Variants in DYNC2I1 observed in about 807,000 individuals in gnomAD.
The protein encoded by DYNC2I1 is dynein 2 intermediate chain 1.
Under a neutral mutation model 133.4 loss-of-function variants are expected in DYNC2I1, and 89 were observed. The observed-to-expected ratio is 0.67, with a 90% CI of 0.56 to 0.80. The LOEUF (loss-of-function observed/expected upper bound fraction) is 0.80, where lower values mean the gene tolerates loss of function less well. Among genes scored for constraint, DYNC2I1 ranks in the 30% least tolerant of loss-of-function variants. The pLI is 0.00. For synonymous variants in DYNC2I1, 504 were observed against 484.3 expected (o/e 1.04, Z -0.54); for missense variants, 1,291 against 1,314.5 (o/e 0.98, Z 0.28).
chr7:158,878,075 G>GGT (rs1843540598), intron 4 of DYNC2I1, among the ~76,000 whole-genome samples: 1 of 148,346 alleles, frequency 6.7e-6, no homozygotes, highest in Non-Finnish European at 1.5e-5. Flanking sequence ...CATGTGGAGA[G>GGT]GCCAGGAGGG....
chr7:158,856,821 G>A, intron 1 of DYNC2I1, 71 bp downstream of exon 1: 1 of 1,220,252 alleles, frequency 8.2e-7, no homozygotes, highest in Non-Finnish European at 1.0e-6. Context: ...CGCTAGCAGC[G>A]CCGCCGCCGC....
intron 11 of DYNC2I1, 41 bp from the exon 12 acceptor site, chr7:158,911,509 A>T (rs376898661): frequency 3.7e-6 from 6 of 1,602,660 alleles, no homozygotes; most frequent in Non-Finnish European, 5.1e-6. Context: ...CACGTATATT[A>T]TTCGAGTTAA....
intron 1 of DYNC2I1, among the ~76,000 whole-genome samples, chr7:158,863,015 C>T (rs1051114251): frequency 6.0e-5 from 9 of 150,568 alleles, no homozygotes; most frequent in African/African-American, 9.8e-5. Context: ...ATAAAGGTAG[C>T]GTGGACCCAA....
chr7:158,941,902 G>GTGT, intron 23 of DYNC2I1, 23 bp from the exon 24 acceptor site: 1 of 1,574,592 alleles, frequency 6.4e-7, no homozygotes, highest in African/African-American at 1.4e-5. Context: ...ATGCTCAGCA[G>GTGT]TGTTCTTTCT....
intron 4 of DYNC2I1, among the ~76,000 whole-genome samples, chr7:158,951,879 G>C (rs776876616): frequency 6.6e-6 from 1 of 152,176 alleles, no homozygotes; most frequent in Non-Finnish European, 1.5e-5. Flanking sequence ...GGGACGTGAG[G>C]GCTTCCAGGG....
rs966523869 is a variant in DYNC2I1 at position 158,945,531 on chromosome 7, A to G, written c.3003-50A>G. On this transcript the variant is annotated intron_variant, in intron 24 of 24. Transcript: ENST00000407559. This position sits in a 1 kb window ranked among gnomAD's most constrained non-coding sequence, Gnocchi z 4.1. Reference sequence around the variant, plus strand: ...CATTTTGAAGACTCAGACAGAACCGAATGTCCCTTTGTGTGCACTGACCCT... The same window carrying G: ...CATTTTGAAGACTCAGACAGAACCGGATGTCCCTTTGTGTGCACTGACCCT... The G allele has an allele frequency of 1.9e-6, 3 of 1,538,984 alleles. No individual in the cohort carries two copies. The African/African-American group carries it at 4.1e-5, about 21-fold the overall frequency.
intron 21 of DYNC2I1, among the ~76,000 whole-genome samples, chr7:158,931,013 A>C (rs1430792302): frequency 6.6e-6 from 1 of 152,222 alleles, no homozygotes; most frequent in African/African-American, 2.4e-5. Context: ...TGCAGCTTCC[A>C]GGTGTAGAGC....
chr7:158,867,255 G>A (rs978317254), intron 1 of DYNC2I1, among the ~76,000 whole-genome samples: 9 of 152,148 alleles, frequency 5.9e-5, no homozygotes, highest in Admixed American at 3.3e-4. Context: ...TTACTATGGC[G>A]TGGTGATACG....
chr7:158,879,589 G>A (rs1843789009), intron 4 of DYNC2I1, 95 bp from the exon 5 acceptor site: 13 of 1,347,828 alleles, frequency 9.6e-6, no homozygotes, highest in Non-Finnish European at 1.1e-5. Context: ...TCCGTGGTTG[G>A]TTGGATCCGT....
At chr7:158,883,941 A>G (rs1051730032) in intron 5 of DYNC2I1, among the ~76,000 whole-genome samples, 78 of 149,438 alleles carry the variant, frequency 5.2e-4, no homozygotes, top group African/African-American at 1.8e-3. Flanking sequence ...TGGGATTACA[A>G]GCGTGAGCCA....
Position 158,952,885 on chromosome 7 carries a change from G to A in DYNC2I1, c.*57-3698G>A, listed in dbSNP as rs887443388. Among the ~76,000 whole-genome samples, 80 of 152,162 alleles carry A rather than the reference G, an allele frequency of 5.3e-4. 1 individual carries two copies. Among genetic ancestry groups the A allele is most frequent in the Non-Finnish European group, 1.9e-4 (13 of 68,018 alleles). ...CCCACCGCACCTTCCACCTCCCAGG[G>A]TGCGCCCCCTTGAAACTCCGTGAGC... is the stretch of plus-strand genomic sequence containing the variant. On this transcript the variant is annotated intron_variant and NMD_transcript_variant, in intron 4 of 4. Coordinates refer to the DYNC2I1 transcript ENST00000454771.
chr7:158,851,177 T>C, the DYNC2I1 span, among the ~76,000 whole-genome samples: 7,185 of 152,124 alleles, frequency 0.047, 200 homozygotes, highest in Admixed American at 0.065. Context: ...TTAGTAAGAG[T>C]CTTTTCTTTT....
intron 1 of DYNC2I1, among the ~76,000 whole-genome samples, chr7:158,867,705 A>AGG (rs1842530930): frequency 6.6e-6 from 1 of 152,048 alleles, no homozygotes; most frequent in Non-Finnish European, 1.5e-5. Flanking sequence ...CGTTGGGCTG[A>AGG]GGGGCCCTTC....
At chr7:158,942,261 T>G in intron 24 of DYNC2I1, 113 bp downstream of exon 24, 1 of 736,026 alleles carries the variant, frequency 1.4e-6, no homozygotes, top group Non-Finnish European at 2.1e-6. Flanking sequence ...TTTTAAGATG[T>G]GGCCATATGT....
intron 8 of DYNC2I1, among the ~76,000 whole-genome samples, chr7:158,901,282 C>T (rs56284189): frequency 0.022 from 3,399 of 152,126 alleles, 132 homozygotes; most frequent in African/African-American, 0.079. Flanking sequence ...ATGTTGCCCA[C>T]GCTGGTCTTC....
chr7:158,894,951 G>A (rs1189172945), intron 8 of DYNC2I1, among the ~76,000 whole-genome samples: 1 of 152,094 alleles, frequency 6.6e-6, no homozygotes, highest in Non-Finnish European at 1.5e-5. Context: ...ATGTTTGTTT[G>A]CCATCTGTAT....
At chr7:158,857,104 A>G (rs1011001208) in intron 1 of DYNC2I1, among the ~76,000 whole-genome samples, 7 of 152,206 alleles carry the variant, frequency 4.6e-5, no homozygotes, top group Non-Finnish European at 7.4e-5. Context: ...AGTTTATTAA[A>G]TTTTAGCTGA....
chr7:158,856,529 T>G (rs1841237453), upstream of DYNC2I1: 4 of 445,116 alleles, frequency 9.0e-6, no homozygotes, highest in Non-Finnish European at 1.5e-5. Flanking sequence ...TGCCAGGTGC[T>G]AAAAATGCCG....
chr7:158,863,414 G>A (rs956578485), intron 1 of DYNC2I1, among the ~76,000 whole-genome samples: 24 of 152,032 alleles, frequency 1.6e-4, no homozygotes, highest in Non-Finnish European at 3.5e-4. Context: ...AGCCCAGGAG[G>A]CTTCACCTCT....
Sources: gnomAD v4.1 joint callset for allele counts (sites outside exome capture counted in the v4.1 genomes callset) on GRCh38, gnomAD v4.1.1 for gene constraint, Gnocchi (gnomAD v3.1) non-coding constraint, MANE v1.5 for transcripts, NCBI Gene and HGNC (gene_info 2026-07-23, HGNC 2026-07-21) for gene names.